The following FUNDC1 variants were observed in gnomAD, a reference collection of about 807,000 sequenced individuals.
FUNDC1 encodes FUN14 domain-containing protein 1.
In FUNDC1, 10 loss-of-function variants were observed where a neutral mutation model predicts 14.5. The observed-to-expected ratio is 0.69, with a 90% CI of 0.43 to 1.17. The LOEUF (loss-of-function observed/expected upper bound fraction) is 1.17, where lower values mean the gene tolerates loss of function less well. FUNDC1 is among the 50% of genes most tolerant of loss of function. The pLI is 0.00. For missense variants in FUNDC1, 115 were observed against 113.8 expected, an observed-to-expected ratio of 1.01 and a Z score of -0.05; for synonymous variants, 33 against 39.7, an observed-to-expected ratio of 0.83 and a Z score of 0.64.
At chrX:44,532,563 T>A (rs1414354575) in intron 3 of FUNDC1, among the ~76,000 whole-genome samples, 33 of 106,820 alleles carry the variant, frequency 3.1e-4, no homozygotes, top group African/African-American at 9.7e-4. Flanking sequence ...ATATATTTTT[T>A]TTTTTTGAGA....
At chrX:44,539,643 G>A (rs943235335) in intron 2 of FUNDC1, among the ~76,000 whole-genome samples, 1 of 111,505 alleles carries the variant, frequency 9.0e-6, no homozygotes, top group East Asian at 2.8e-4. Context: ...AACTGTGAGA[G>A]AATAAATTTC....
At chrX:44,536,046 C>T (rs1241843973) in intron 3 of FUNDC1, among the ~76,000 whole-genome samples, 1 of 103,860 alleles carries the variant, frequency 9.6e-6, no homozygotes, top group African/African-American at 3.5e-5. Flanking sequence ...TGGCTCACGC[C>T]TGTAATCCTG....
intron 4 of FUNDC1, 49 bp downstream of exon 4, chrX:44,527,188 C>T: frequency 9.7e-7 from 1 of 1,035,245 alleles, no homozygotes; most frequent in East Asian, 3.2e-5. Flanking sequence ...TACCCATTAA[C>T]CAAAAAAAGG....
At position 44,524,056 on chromosome X, in the gene FUNDC1, G is replaced by A. The variant is rs2038891695; in HGVS notation, c.*142C>T. On this transcript the variant is annotated 3_prime_UTR_variant, in exon 5 of 5. Transcript: ENST00000378045. ...TTTGCCAAGCTTCAGATGGCAAAAT[G>A]CTAAGTTGTGAATTGAGTATTGTCC... 1 of 459,990 alleles carries A rather than the reference G, an allele frequency of 2.2e-6. No homozygotes were observed. Among genetic ancestry groups the A allele is most frequent in the East Asian group, 3.8e-5 (1 of 26,423 alleles). 37.9% of individuals were successfully genotyped at this position (459,990 alleles called of 1,213,427 possible).
chrX:44,531,086 A>T (rs922925787), intron 3 of FUNDC1, among the ~76,000 whole-genome samples: 5 of 109,577 alleles, frequency 4.6e-5, no homozygotes, highest in Non-Finnish European at 9.5e-5. Context: ...TACAAAAAAT[A>T]CAAAAATTAG....
At chrX:44,526,641 G>A (rs1319140763) in intron 4 of FUNDC1, among the ~76,000 whole-genome samples, 1 of 110,286 alleles carries the variant, frequency 9.1e-6, no homozygotes, top group South Asian at 3.8e-4. Flanking sequence ...AAGTAAACAC[G>A]GCAAATCATG....
Position 44,541,925 on chromosome X carries a change from GA to G in FUNDC1, c.185+19del, listed in dbSNP as rs2038973535. On this transcript the variant is annotated intron_variant, in intron 2 of 4. Coordinates refer to ENST00000378045, the MANE Select transcript of FUNDC1 (RefSeq NM_173794.4). ...GTCAGGCCCCCAAATGAAATTTAAT[GA>G]AAAAGACGTTGTTCTCACCAGCCAG... is the stretch of plus-strand genomic sequence containing the variant. 1 of 1,188,872 alleles carries G rather than the reference GA, an allele frequency of 8.4e-7. No individual in the cohort carries two copies. The highest frequency in any genetic ancestry group is 2.4e-5 in the Admixed American group (1 of 42,214).
intron 3 of FUNDC1, among the ~76,000 whole-genome samples, chrX:44,535,669 CAA>C (rs1224864816): frequency 5.9e-4 from 19 of 32,263 alleles, no homozygotes; most frequent in African/African-American, 1.7e-3. Context: ...GACTCTGTCT[CAA>C]AAAAAAAAAA....
chrX:44,526,387 G>A (rs1353748504), intron 4 of FUNDC1, among the ~76,000 whole-genome samples: 2 of 105,179 alleles, frequency 1.9e-5, no homozygotes, highest in Non-Finnish European at 3.9e-5. Flanking sequence ...CCAAGATTAC[G>A]CCACTGCACT....
At chrX:44,528,403 A>G (rs1202395676) in intron 3 of FUNDC1, among the ~76,000 whole-genome samples, 2 of 112,241 alleles carry the variant, frequency 1.8e-5, no homozygotes, top group African/African-American at 6.5e-5. Flanking sequence ...AGCCTCAGCA[A>G]AACAGTGGTG....
Position 44,527,266 on chromosome X carries a change from C to G in FUNDC1, c.361G>C (p.Ala121Pro). Residue 121 changes from alanine to proline, a missense_variant, in exon 4 of 5, where the codon GCA becomes CCA. By Grantham distance (27) the Ala-to-Pro change is conservative (BLOSUM62 -1). Transcript: ENST00000378045. ...TCAATTAAATTGTTGATTTCAGGTG[C>G]TGCTTTGTTCGCTCGTTTCTTAATC... The part of the protein sequence containing the change: ...RQIKKRANKA[A>P]PEINNLIEEA... 8.4e-7 allele frequency: 1 copy of G among 1,191,521 alleles called. No homozygotes were observed. Among genetic ancestry groups the G allele is most frequent in the Non-Finnish European group, 1.1e-6 (1 of 884,722 alleles).
intron 4 of FUNDC1, 102 bp from the exon 5 acceptor site, chrX:44,524,377 A>T: frequency 1.9e-6 from 1 of 539,578 alleles, no homozygotes; most frequent in South Asian, 2.8e-5. Flanking sequence ...AAAAGAACAG[A>T]TATTACATGA....
intron 3 of FUNDC1, among the ~76,000 whole-genome samples, chrX:44,529,353 A>C (rs1601900896): frequency 8.9e-6 from 1 of 111,772 alleles, no homozygotes; most frequent in African/African-American, 3.2e-5. Flanking sequence ...TAATTTAAAG[A>C]ATTCTCTACG....
rs756810844 is a variant in FUNDC1 at position 44,531,059 on chromosome X, C to T, written c.262-3694G>A. The stretch of plus-strand genomic sequence containing the variant: ...GAGTTTGAGACCAGCCTGGGCTATA[C>T]GGCGAAATTCTGTCTCTACAAAAAA... On this transcript the variant is annotated intron_variant, in intron 3 of 4. Coordinates refer to ENST00000378045, the MANE Select transcript of FUNDC1 (RefSeq NM_173794.4). Among the ~76,000 whole-genome samples, 301 of 110,053 alleles carry T rather than the reference C, an allele frequency of 2.7e-3. 1 individual carries two copies. Among genetic ancestry groups the T allele is most frequent in the African/African-American group, 8.8e-3 (266 of 30,370 alleles).
chrX:44,530,467 A>T (rs1373409015), intron 3 of FUNDC1, among the ~76,000 whole-genome samples: 1 of 109,655 alleles, frequency 9.1e-6, no homozygotes, highest in Non-Finnish European at 1.9e-5. Context: ...TTAGCCGGGC[A>T]TAGTAGCGCA....
intron 2 of FUNDC1, among the ~76,000 whole-genome samples, chrX:44,540,210 C>G (rs1385853995): frequency 9.0e-6 from 1 of 111,338 alleles, no homozygotes; most frequent in East Asian, 2.8e-4. Flanking sequence ...TTGAATTGGT[C>G]TAAATTGCTA....
At chrX:44,527,150 C>A (rs184852303) in intron 4 of FUNDC1, 87 bp downstream of exon 4, 10 of 666,269 alleles carry the variant, frequency 1.5e-5, no homozygotes, top group East Asian at 3.7e-5. Context: ...GACAGTAATC[C>A]CCCCCGGTCA....
intron 2 of FUNDC1, 61 bp from the exon 3 acceptor site, chrX:44,538,603 T>C: frequency 1.2e-6 from 1 of 826,193 alleles, no homozygotes; most frequent in Admixed American, 2.4e-5. Flanking sequence ...CTCCCTCTTC[T>C]ACTTTTCATT....
intron 2 of FUNDC1, 136 bp from the exon 3 acceptor site, chrX:44,538,678 CCTT>C: frequency 2.2e-6 from 1 of 459,396 alleles, no homozygotes; most frequent in East Asian, 3.7e-5. Flanking sequence ...TGCTCAGAAA[CCTT>C]CTCAGAAACC....
Sources: allele counts gnomAD v4.1 joint callset (sites outside exome capture counted in the v4.1 genomes callset), GRCh38; gene constraint gnomAD v4.1.1; transcripts MANE v1.5; gene names NCBI Gene and HGNC (gene_info 2026-07-23, HGNC 2026-07-21).